Variants in PCDH15 observed in about 807,000 individuals in gnomAD.
The protein encoded by PCDH15 is protocadherin-15.
A neutral mutation model predicts 178.5 loss-of-function variants in PCDH15; 129 were observed. The ratio of observed to expected loss-of-function variants is 0.72; its 90% confidence interval spans 0.63 to 0.84. PCDH15 has a LOEUF of 0.84. PCDH15 is among the 40% of genes least tolerant of loss of function. The pLI is 0.00. For missense variants in PCDH15, 2,230 were observed against 2,099.9 expected (o/e 1.06, Z -1.21); for synonymous variants, 800 against 732.0 (o/e 1.09, Z -1.50).
At chr10:55,363,780 C>T (rs970607417) in intron 2 of PCDH15, among the ~76,000 whole-genome samples, 15 of 151,998 alleles carry the variant, frequency 9.9e-5, no homozygotes, top group Admixed American at 5.3e-4. Flanking sequence ...GTATTACAGG[C>T]ATGCACCACC....
chr10:54,096,422 T>C (rs915921161), intron 15 of PCDH15, among the ~76,000 whole-genome samples: 3 of 152,124 alleles, frequency 2.0e-5, no homozygotes, highest in African/African-American at 7.2e-5. Context: ...CTACACTATT[T>C]ATCATACTTC....
At chr10:54,808,303 G>A (rs1212650176) in intron 3 of PCDH15, among the ~76,000 whole-genome samples, 1 of 152,190 alleles carries the variant, frequency 6.6e-6, no homozygotes, top group Non-Finnish European at 1.5e-5. Context: ...AGACAAGGTT[G>A]TTGAGGGAAA....
intron 2 of PCDH15, among the ~76,000 whole-genome samples, chr10:54,623,327 C>T (rs1271685345): frequency 6.6e-6 from 1 of 151,958 alleles, no homozygotes; most frequent in Non-Finnish European, 1.5e-5. Context: ...ATTAACACAA[C>T]CAAAAACAAA....
chr10:55,433,781 C>T (rs1838951935), intron 2 of PCDH15, among the ~76,000 whole-genome samples: 1 of 151,926 alleles, frequency 6.6e-6, no homozygotes, highest in South Asian at 2.1e-4. Flanking sequence ...TCTATGATTT[C>T]AATTCACTTG....
intron 2 of PCDH15, among the ~76,000 whole-genome samples, chr10:55,461,727 G>A (rs1839683301): frequency 6.6e-6 from 1 of 152,052 alleles, no homozygotes; most frequent in African/African-American, 2.4e-5. Context: ...AACCGAGGTT[G>A]TTAAATTTTT....
chr10:55,048,472 T>C (rs1313638317), intron 2 of PCDH15, among the ~76,000 whole-genome samples: 6 of 151,822 alleles, frequency 4.0e-5, no homozygotes, highest in Non-Finnish European at 1.5e-5. Flanking sequence ...AATAACACTT[T>C]ATAGAAAATG....
chr10:55,241,815 T>C (rs1841549956), intron 1 of PCDH15, among the ~76,000 whole-genome samples: 1 of 152,198 alleles, frequency 6.6e-6, no homozygotes, highest in Non-Finnish European at 1.5e-5. Context: ...ACAATTTCAT[T>C]CTTATTTTAC....
At chr10:54,400,375 G>A (rs1040065973) in intron 3 of PCDH15, among the ~76,000 whole-genome samples, 13 of 151,884 alleles carry the variant, frequency 8.6e-5, no homozygotes, top group South Asian at 2.1e-4. Context: ...GAAAATAAAC[G>A]GATAAAGCTA....
At chr10:54,627,459 A>T (rs2093587092) in intron 2 of PCDH15, among the ~76,000 whole-genome samples, 1 of 152,030 alleles carries the variant, frequency 6.6e-6, no homozygotes, top group South Asian at 2.1e-4. Context: ...TTAAAAATGG[A>T]AGTTTGCCTG....
chr10:55,340,881 G>T (rs960497453), intron 2 of PCDH15, among the ~76,000 whole-genome samples: 2 of 151,936 alleles, frequency 1.3e-5, no homozygotes, highest in African/African-American at 2.4e-5. Context: ...GATAAGCTCA[G>T]TGACTTATTC....
intron 25 of PCDH15, among the ~76,000 whole-genome samples, chr10:53,907,901 C>A (rs916151766): frequency 4.6e-5 from 7 of 152,102 alleles, no homozygotes; most frequent in African/African-American, 1.7e-4. Flanking sequence ...ATTTTTAAGA[C>A]CAAATTTAGT....
chr10:54,225,737 G>C (rs1003477573), intron 9 of PCDH15, among the ~76,000 whole-genome samples: 1 of 150,822 alleles, frequency 6.6e-6, no homozygotes. Flanking sequence ...ATAGTGAAAT[G>C]CACAGATCTT....
intron 2 of PCDH15, among the ~76,000 whole-genome samples, chr10:54,535,700 A>C (rs959380602): frequency 6.4e-5 from 7 of 109,148 alleles, no homozygotes; most frequent in Non-Finnish European, 1.2e-4. Context: ...ACAGAGCGAG[A>C]CTCCACCTCA....
chr10:54,824,057 G>C (rs1953088207), intron 3 of PCDH15, among the ~76,000 whole-genome samples: 1 of 152,086 alleles, frequency 6.6e-6, no homozygotes, highest in African/African-American at 2.4e-5. Context: ...TTGTTCCAAA[G>C]TTTCTAAGGC....
intron 1 of PCDH15, among the ~76,000 whole-genome samples, chr10:55,200,618 G>A (rs955547494): frequency 9.2e-5 from 14 of 152,020 alleles, no homozygotes; most frequent in Non-Finnish European, 2.1e-4. Flanking sequence ...TTTGGGAGGG[G>A]CCAGGAACAG....
intron 3 of PCDH15, among the ~76,000 whole-genome samples, chr10:54,499,710 A>G (rs1400394381): frequency 6.6e-6 from 1 of 152,170 alleles, no homozygotes; most frequent in Non-Finnish European, 1.5e-5. Context: ...ACATGCATCA[A>G]TCAATAAGTT....
intron 3 of PCDH15, among the ~76,000 whole-genome samples, chr10:54,494,938 C>G (rs1253631228): frequency 6.6e-6 from 1 of 152,092 alleles, no homozygotes; most frequent in African/African-American, 2.4e-5. Context: ...TAACCCACAA[C>G]CTTTGACTTT....
Position 54,247,960 on chromosome 10 carries a change from AC to A in PCDH15, c.877-11030del, listed in dbSNP as rs1564784775. On this transcript the variant is annotated intron_variant, in intron 8 of 37. Transcript: ENST00000644397. ...AATATATATATATATATATATATAT[AC>A]ACATACAGTAAATGACATTCTTAAT... Among the ~76,000 whole-genome samples the A allele has an allele frequency of 8.9e-4, 126 of 141,796 alleles. 1 individual carries two copies. The highest frequency in any genetic ancestry group is 2.5e-3 in the Admixed American group (37 of 14,522). The allele number at this position is 141,796 out of a possible 152,430, so 93.0% of individuals were successfully genotyped here.
At chr10:55,217,059 G>T (rs1205533246) in intron 1 of PCDH15, among the ~76,000 whole-genome samples, 2 of 151,878 alleles carry the variant, frequency 1.3e-5, no homozygotes, top group Non-Finnish European at 2.9e-5. Context: ...ACATATAAAA[G>T]TTCTTCACAG....
Sources: allele counts gnomAD v4.1 joint callset (sites outside exome capture counted in the v4.1 genomes callset), GRCh38; gene constraint gnomAD v4.1.1; transcripts MANE v1.5; gene names NCBI Gene and HGNC (gene_info 2026-07-23, HGNC 2026-07-21).